The following RARB variants were observed in gnomAD, a reference collection of about 807,000 sequenced individuals.
RARB encodes HBV-activated protein.
RARB carries 17 observed loss-of-function variants against 51.9 expected under a neutral mutation model. That is an observed-to-expected ratio of 0.33 (90% CI 0.22 to 0.49). The LOEUF is 0.49. Ranked by LOEUF, RARB falls within the 20% of genes least tolerant of loss-of-function variation. The pLI is 0.99. For synonymous variants in RARB, 215 were observed against 195.4 expected, an observed-to-expected ratio of 1.10 and a Z score of -0.84; for missense variants, 369 against 550.8, an observed-to-expected ratio of 0.67 and a Z score of 3.30.
intron 2 of RARB, among the ~76,000 whole-genome samples, chr3:24,943,691 A>C (rs1467077545): frequency 6.6e-6 from 1 of 152,212 alleles, no homozygotes; most frequent in Non-Finnish European, 1.5e-5. Context: ...ATATTGTGTC[A>C]GAATATTTTA....
intron 2 of RARB, among the ~76,000 whole-genome samples, chr3:24,889,675 AGTGTGTGTGTGTGTGTGT>A (rs71057686): frequency 1.4e-5 from 2 of 142,868 alleles, no homozygotes; most frequent in Non-Finnish European, 3.1e-5. Flanking sequence ...CACCTCTTAA[AGTGTGTGTGTGTGTGTGT>A]GTGTGTGTGT....
intron 2 of RARB, among the ~76,000 whole-genome samples, chr3:24,910,111 G>A (rs1694959775): frequency 6.6e-6 from 1 of 152,084 alleles, no homozygotes; most frequent in African/African-American, 2.4e-5. Context: ...TTTTGGCAAA[G>A]GATTTGAACC....
At chr3:24,861,528 T>C (rs1462541036) in intron 2 of RARB, among the ~76,000 whole-genome samples, 3 of 150,280 alleles carry the variant, frequency 2.0e-5, no homozygotes, top group Non-Finnish European at 3.0e-5. Flanking sequence ...TATTAGGAAC[T>C]AAGAGAATGA....
At chr3:25,373,308 T>A (rs568399471) in intron 5 of RARB, among the ~76,000 whole-genome samples, 1 of 149,148 alleles carries the variant, frequency 6.7e-6, no homozygotes, top group African/African-American at 2.5e-5. Flanking sequence ...GAAGAAGGAA[T>A]CCCAGGAGAC....
intron 3 of RARB, among the ~76,000 whole-genome samples, chr3:25,066,826 C>G (rs1480257155): frequency 6.6e-6 from 1 of 151,874 alleles, no homozygotes; most frequent in East Asian, 1.9e-4. Flanking sequence ...TTATGTAAAC[C>G]TCACATAATA....
intron 5 of RARB, among the ~76,000 whole-genome samples, chr3:25,221,069 T>G (rs1471527373): frequency 6.6e-6 from 1 of 151,522 alleles, no homozygotes; most frequent in Non-Finnish European, 1.5e-5. Context: ...TTACTTGTAA[T>G]TTATGTTCTA....
intron 3 of RARB, among the ~76,000 whole-genome samples, chr3:25,531,411 GATAGATAGATA>G (rs1205642799): frequency 6.8e-6 from 1 of 147,348 alleles, no homozygotes; most frequent in Non-Finnish European, 1.5e-5. Flanking sequence ...TAGATAGATA[GATAGATAGATA>G]GAAGATAGAT....
chr3:25,171,366 T>C (rs376573210), intron 4 of RARB, among the ~76,000 whole-genome samples: 1 of 150,738 alleles, frequency 6.6e-6, no homozygotes, highest in African/African-American at 2.4e-5. Context: ...ATCAGTCACA[T>C]ATGTGAACAT....
chr3:25,406,062 C>G (rs754333273), intron 5 of RARB, among the ~76,000 whole-genome samples: 2 of 152,182 alleles, frequency 1.3e-5, no homozygotes, highest in Non-Finnish European at 2.9e-5. Context: ...AACTGGCCAT[C>G]TTTTTTCTTA....
intron 3 of RARB, among the ~76,000 whole-genome samples, chr3:25,103,043 C>T (rs1699434025): frequency 6.6e-6 from 1 of 152,164 alleles, no homozygotes; most frequent in Admixed American, 6.5e-5. Context: ...GAGAAGAGGA[C>T]TCCTCTAGGA....
chr3:24,969,660 A>G (rs561164195), intron 2 of RARB, among the ~76,000 whole-genome samples: 28 of 152,214 alleles, frequency 1.8e-4, no homozygotes, highest in African/African-American at 6.5e-4. Flanking sequence ...TAAGAAGGAG[A>G]AGAGAGCTAG....
chr3:25,449,689 C>G (rs1709103936), intron 1 of RARB, among the ~76,000 whole-genome samples: 1 of 151,900 alleles, frequency 6.6e-6, no homozygotes, highest in Non-Finnish European at 1.5e-5. Context: ...CCACATTATA[C>G]CTCTGGTTTC....
intron 2 of RARB, among the ~76,000 whole-genome samples, chr3:24,876,260 C>T (rs747760981): frequency 2.2e-4 from 34 of 152,230 alleles, no homozygotes; most frequent in South Asian, 4.1e-4. Flanking sequence ...TGAATCTCTT[C>T]GAACTTTGAA....
intron 1 of RARB, among the ~76,000 whole-genome samples, chr3:25,449,041 G>T (rs1391908170): frequency 6.6e-6 from 1 of 152,114 alleles, no homozygotes; most frequent in Non-Finnish European, 1.5e-5. Context: ...GGTTAAGGGA[G>T]TATATGTGGC....
intron 2 of RARB, among the ~76,000 whole-genome samples, chr3:24,980,105 C>T (rs1046624813): frequency 2.4e-4 from 37 of 152,272 alleles, no homozygotes; most frequent in African/African-American, 6.5e-4. Flanking sequence ...CCCCCACTCT[C>T]GTCTTGTTTG....
chr3:24,894,383 A>G (rs1003710713), intron 2 of RARB, among the ~76,000 whole-genome samples: 2 of 149,626 alleles, frequency 1.3e-5, no homozygotes, highest in East Asian at 4.0e-4. Context: ...TTCTGTTCCT[A>G]TGTTACTTCA....
At chr3:25,382,920 C>T (rs1452931747) in intron 5 of RARB, among the ~76,000 whole-genome samples, 2 of 152,104 alleles carry the variant, frequency 1.3e-5, no homozygotes, top group Non-Finnish European at 2.9e-5. Flanking sequence ...GAAGACTTCC[C>T]AAAGCAACAG....
At chr3:25,297,937 A>G (rs1281611925) in intron 5 of RARB, among the ~76,000 whole-genome samples, 1 of 152,164 alleles carries the variant, frequency 6.6e-6, no homozygotes, top group African/African-American at 2.4e-5. Flanking sequence ...GTGTGTGTGT[A>G]TACATATGAG....
chr3:25,240,951 T>A (rs982671413), intron 5 of RARB, among the ~76,000 whole-genome samples: 1 of 152,208 alleles, frequency 6.6e-6, no homozygotes, highest in Non-Finnish European at 1.5e-5. Flanking sequence ...TGAAGCCATT[T>A]GGCCCTAGGC....
Sources: gnomAD v4.1 joint callset for allele counts (sites outside exome capture counted in the v4.1 genomes callset) on GRCh38, gnomAD v4.1.1 for gene constraint, MANE v1.5 for transcripts, NCBI Gene and HGNC (gene_info 2026-07-23, HGNC 2026-07-21) for gene names.